Variants in RYR3 observed in about 807,000 individuals in gnomAD.
RYR3 encodes brain ryanodine receptor-calcium release channel.
In RYR3, 207 loss-of-function variants were observed where a neutral mutation model predicts 584.3. That is an observed-to-expected ratio of 0.35 (90% CI 0.32 to 0.40). The LOEUF (loss-of-function observed/expected upper bound fraction) is 0.40, where lower values mean the gene tolerates loss of function less well. RYR3 is among the 10% of genes least tolerant of loss of function. The probability of loss-of-function intolerance (pLI) is 1.00; values close to 1 mark genes in which losing one functional copy is unlikely to be tolerated. For missense variants in RYR3, 5,616 were observed against 6,089.2 expected (o/e 0.92, Z 2.59); for synonymous variants, 2,416 against 2,248.5 (o/e 1.07, Z -2.11).
At chr15:33,817,136 A>G (rs931770376) in intron 75 of RYR3, among the ~76,000 whole-genome samples, 178 bp downstream of exon 75, 1 of 152,326 alleles carries the variant, frequency 6.6e-6, no homozygotes. Context: ...CCAGAGGATG[A>G]ATTTTCACTT....
At position 33,540,831 on chromosome 15, in the gene RYR3, C is replaced by A; in HGVS notation, c.587C>A (p.Ser196Tyr). ...AATGGTAACATACAAGTGGATGCCT[C>A]CTTTATGCAAACACTCTGGAATGTA... is the stretch of plus-strand genomic sequence containing the variant. ...VSNGNIQVDA[S>Y]FMQTLWNVHP... The change falls in exon 7 of 104, where the codon TCC becomes TAC. Residue 196 changes from serine (S) to tyrosine (Y), a missense_variant. Ser to Tyr is a moderately radical substitution (Grantham distance 144). Around this residue, in one of 9 missense-constraint regions of RYR3, gnomAD observed 1,284 missense variants for 1,344.6 expected, o/e 0.95. Transcript: ENST00000634891. The A allele has an allele frequency of 6.2e-7, 1 of 1,612,862 alleles. No homozygotes were observed. Among genetic ancestry groups the A allele is most frequent in the Non-Finnish European group, 8.5e-7 (1 of 1,179,004 alleles).
intron 1 of RYR3, among the ~76,000 whole-genome samples, chr15:33,450,329 G>T (rs1281780954): frequency 6.6e-6 from 1 of 152,130 alleles, no homozygotes; most frequent in African/African-American, 2.4e-5. Context: ...GACTCTGATT[G>T]TGAGTTTAAT....
chr15:33,349,593 A>AT (rs200905535), intron 1 of RYR3, among the ~76,000 whole-genome samples: 20,117 of 135,592 alleles, frequency 0.15, 1,600 homozygotes, highest in East Asian at 0.28. Context: ...TTTTCTTCAG[A>AT]TTTTTTTTTT....
chr15:33,401,243 C>T (rs2042644998), intron 1 of RYR3, among the ~76,000 whole-genome samples: 1 of 152,164 alleles, frequency 6.6e-6, no homozygotes, highest in African/African-American at 2.4e-5. Flanking sequence ...TGTATCATCT[C>T]CTGATGATAG....
chr15:33,378,166 A>G (rs1164904233), intron 1 of RYR3, among the ~76,000 whole-genome samples: 1 of 152,214 alleles, frequency 6.6e-6, no homozygotes, highest in Non-Finnish European at 1.5e-5. Context: ...AATAGTAGTT[A>G]TTATTACACC....
intron 60 of RYR3, chr15:33,757,801 G>C: frequency 1.7e-6 from 1 of 592,668 alleles, no homozygotes; most frequent in Non-Finnish European, 3.0e-6. Flanking sequence ...GGGAGTACCC[G>C]TGGGGCTTGG....
rs116327632 is a variant in RYR3, at chr15:33,730,532, T to C, written c.7204-942T>C. Reference sequence around the variant, plus strand: ...GAGACAAACTTGATAATTTAGATAATTTATAGGAACAATGAGACATGTATA... The same window carrying C: ...GAGACAAACTTGATAATTTAGATAACTTATAGGAACAATGAGACATGTATA... On this transcript the variant is annotated intron_variant, in intron 47 of 103. Transcript: ENST00000634891. Among the ~76,000 whole-genome samples, 428 of 152,338 alleles carry C rather than the reference T, an allele frequency of 2.8e-3. 3 individuals carry two copies. The highest frequency in any genetic ancestry group is 9.5e-3 in the African/African-American group (396 of 41,566).
chr15:33,479,103 A>ACGG (rs80083187), intron 2 of RYR3, among the ~76,000 whole-genome samples: 74,102 of 139,974 alleles, frequency 0.53, 18,523 homozygotes, highest in Non-Finnish European at 0.55. Flanking sequence ...TTGCAGAATG[A>ACGG]TGGAATAGTG....
chr15:33,487,728 G>A (rs1476201734), intron 2 of RYR3, among the ~76,000 whole-genome samples: 1 of 152,138 alleles, frequency 6.6e-6, no homozygotes, highest in African/African-American at 2.4e-5. Context: ...GTCACATGCA[G>A]GCAGAACAAA....
chr15:33,551,042 C>T (rs12908774), intron 10 of RYR3, among the ~76,000 whole-genome samples: 21,333 of 152,076 alleles, frequency 0.14, 1,769 homozygotes, highest in Non-Finnish European at 0.19. Context: ...TTTTAGAAAC[C>T]GCCTCCTTTA....
intron 43 of RYR3, among the ~76,000 whole-genome samples, chr15:33,708,681 G>T (rs11072630): frequency 5.9e-5 from 9 of 151,872 alleles, no homozygotes; most frequent in African/African-American, 2.2e-4. Context: ...ATAAAGTTTC[G>T]GTGCCACAAA....
chr15:33,659,772 CT>C lies in RYR3; in HGVS notation c.4363del (p.Ser1455LeufsTer10). 6.2e-7 allele frequency: 1 copy of C among 1,613,136 alleles called. No homozygotes were observed. Among genetic ancestry groups the C allele is most frequent in the Non-Finnish European group, 8.5e-7 (1 of 1,179,160 alleles). On this transcript the variant is annotated frameshift_variant, in exon 33 of 104. Coordinates refer to ENST00000634891, the MANE Select transcript of RYR3 (RefSeq NM_001036.6). LOFTEE classifies it high-confidence loss of function. ...GCAGTCTTCCTGCAGCCTACAAGTA[CT>C]TCTTTGTTTCAGTTTGAACTTGGAA... is the stretch of plus-strand genomic sequence containing the variant. ...FPAVFLQPTS[T>X]SLFQFELGKL... is the part of the protein sequence containing the mutation.
chr15:33,399,563 G>T (rs1878302), intron 1 of RYR3, among the ~76,000 whole-genome samples: 18,792 of 152,068 alleles, frequency 0.12, 1,215 homozygotes, highest in African/African-American at 0.13. Flanking sequence ...ACTTGAACCC[G>T]AGAAGCGGAG....
intron 62 of RYR3, among the ~76,000 whole-genome samples, chr15:33,769,435 T>G (rs1309715017): frequency 6.6e-6 from 1 of 152,202 alleles, no homozygotes; most frequent in African/African-American, 2.4e-5. Context: ...GAAGATAAAA[T>G]ATATAATGTG....
At position 33,838,380 on chromosome 15, in the gene RYR3, G is replaced by A. The variant is rs775664813; in HGVS notation, c.12400G>A (p.Gly4134Arg). Residue 4134 changes from glycine to arginine, a missense_variant, in exon 89 of 104, where the codon GGG becomes AGG. Around this residue, in one of 9 missense-constraint regions of RYR3, gnomAD observed 258 missense variants for 297.3 expected, o/e 0.87. Transcript: ENST00000634891. Reference protein sequence around the residue: ...LEIAGEEEEDGSLEPASAFAM... With the variant: ...LEIAGEEEEDRSLEPASAFAM... ...AATTGCGGGTGAAGAGGAAGAAGAC[G>A]GGTCTCTTGAGCCGGCCTCTGCATT... 3.7e-6 allele frequency: 6 copies of A among 1,613,852 alleles called. No individual in the cohort carries two copies. Among genetic ancestry groups the A allele is most frequent in the Admixed American group, 1.7e-5 (1 of 59,994 alleles).
intron 34 of RYR3, among the ~76,000 whole-genome samples, chr15:33,661,518 G>C (rs995919842): frequency 1.3e-5 from 2 of 152,154 alleles, no homozygotes; most frequent in African/African-American, 4.8e-5. Context: ...TGGTTTCATG[G>C]AAGACAGTTT....
chr15:33,749,645 CAGGAG>C, intron 55 of RYR3, among the ~76,000 whole-genome samples: 1 of 152,150 alleles, frequency 6.6e-6, no homozygotes, highest in South Asian at 2.1e-4. Context: ...CGTCTGAGGT[CAGGAG>C]TACAATACCA....
chr15:33,710,547 C>T (rs984088528), intron 43 of RYR3, among the ~76,000 whole-genome samples: 1 of 152,064 alleles, frequency 6.6e-6, no homozygotes, highest in Admixed American at 6.6e-5. Context: ...CTCCACTAGG[C>T]AGTACCCCAG....
chr15:33,465,361 C>T (rs565969882), intron 1 of RYR3, among the ~76,000 whole-genome samples: 1 of 152,176 alleles, frequency 6.6e-6, no homozygotes, highest in Non-Finnish European at 1.5e-5. Flanking sequence ...TTTGAAAACC[C>T]ACCTTGCTGT....
Sources: allele counts gnomAD v4.1 joint callset (sites outside exome capture counted in the v4.1 genomes callset), GRCh38; gene constraint gnomAD v4.1.1; regional missense constraint gnomAD v4.1.1; transcripts MANE v1.5; gene names NCBI Gene and HGNC (gene_info 2026-07-23, HGNC 2026-07-21).